TMCO1: variants seen among roughly 807,000 people sequenced by gnomAD.
The protein encoded by TMCO1 is transmembrane and coiled-coil domains 1.
Under a neutral mutation model 29.3 loss-of-function variants are expected in TMCO1, and 29 were observed. The observed-to-expected ratio is 0.99, with a 90% CI of 0.74 to 1.35. The LOEUF (loss-of-function observed/expected upper bound fraction) is 1.35, where lower values mean the gene tolerates loss of function less well. Among genes scored for constraint, TMCO1 ranks in the 40% most tolerant of loss-of-function variants. The probability of loss-of-function intolerance (pLI) is 0.00; values close to 1 mark genes in which losing one functional copy is unlikely to be tolerated. For missense variants in TMCO1, 173 were observed against 225.5 expected, an observed-to-expected ratio of 0.77 and a Z score of 1.49; for synonymous variants, 80 against 77.1, an observed-to-expected ratio of 1.04 and a Z score of -0.20.
intron 2 of TMCO1, among the ~76,000 whole-genome samples, chr1:165,767,351 G>A (rs2101819815): frequency 6.6e-6 from 1 of 152,272 alleles, no homozygotes; most frequent in South Asian, 2.1e-4. Flanking sequence ...ACCTTTAGCT[G>A]AGTCCTGTGG....
At chr1:165,747,746 G>T (rs1378309851) in intron 5 of TMCO1, among the ~76,000 whole-genome samples, 1 of 152,188 alleles carries the variant, frequency 6.6e-6, no homozygotes, top group Non-Finnish European at 1.5e-5. Context: ...GAGAGACAGG[G>T]TTAAACCCCA....
chr1:165,726,520 A>C (rs1217998645), downstream of TMCO1: 4 of 490,156 alleles, frequency 8.2e-6, no homozygotes, highest in Non-Finnish European at 1.6e-5. Flanking sequence ...CCTGACTGCC[A>C]CTCAATAGCT....
At chr1:165,750,653 T>C (rs906264632) in intron 5 of TMCO1, among the ~76,000 whole-genome samples, 18 of 152,146 alleles carry the variant, frequency 1.2e-4, no homozygotes, top group African/African-American at 4.3e-4. Context: ...TTTTAAAAAT[T>C]GCCCACAGAC....
At chr1:165,748,688 C>A (rs575427291) in intron 5 of TMCO1, among the ~76,000 whole-genome samples, 3 of 152,240 alleles carry the variant, frequency 2.0e-5, no homozygotes, top group South Asian at 2.1e-4. Flanking sequence ...ACAATTGGTT[C>A]CAAGTGAGTT....
chr1:165,751,396 A>C (rs533120845), intron 5 of TMCO1, among the ~76,000 whole-genome samples: 3 of 152,178 alleles, frequency 2.0e-5, no homozygotes, highest in South Asian at 4.1e-4. Context: ...TTATTGTGTA[A>C]TTGTATTTTA....
intron 5 of TMCO1, among the ~76,000 whole-genome samples, chr1:165,744,175 T>C (rs1651705897): frequency 6.6e-6 from 1 of 151,830 alleles, no homozygotes; most frequent in Admixed American, 6.6e-5. Flanking sequence ...TCTAGCACAA[T>C]AAAGAAAAAA....
At chr1:165,724,317 C>T (rs1558023444), downstream of TMCO1, 1 of 448,594 alleles carries the variant, frequency 2.2e-6, no homozygotes, top group Non-Finnish European at 4.4e-6. Flanking sequence ...TTTAATATCT[C>T]ATTAATTAAT....
Position 165,727,354 on chromosome 1 carries a change from G to A in TMCO1, c.*669C>T, listed in dbSNP as rs1293914567. On this transcript the variant is annotated 3_prime_UTR_variant, in exon 7 of 7. Coordinates refer to ENST00000367881, the MANE Select transcript of TMCO1 (RefSeq NM_019026.6). Reference sequence around the variant, plus strand: ...GACCCTCATTTTTAAACTCCAACGAGTTATTACGTTCCTTTCCACTCTTGC... The same window carrying A: ...GACCCTCATTTTTAAACTCCAACGAATTATTACGTTCCTTTCCACTCTTGC... 2.2e-6 allele frequency: 1 copy of A among 453,642 alleles called. No individual in the cohort carries two copies. Among genetic ancestry groups the A allele is most frequent in the Non-Finnish European group, 4.4e-6 (1 of 226,746 alleles). The allele number at this position is 453,642 out of a possible 1,614,324, so 28.1% of individuals were successfully genotyped here.
At chr1:165,750,046 A>G (rs989712767) in intron 5 of TMCO1, among the ~76,000 whole-genome samples, 2 of 152,162 alleles carry the variant, frequency 1.3e-5, no homozygotes, top group Admixed American at 6.5e-5. Context: ...TCCAGTGATG[A>G]TAAGTATAAG....
chr1:165,746,308 C>CAAAAAA (rs67433376), intron 5 of TMCO1, among the ~76,000 whole-genome samples: 21 of 123,474 alleles, frequency 1.7e-4, no homozygotes, highest in African/African-American at 5.4e-4. Context: ...GACTCCATCT[C>CAAAAAA]AAAAAAAAAA....
intron 6 of TMCO1, among the ~76,000 whole-genome samples, chr1:165,736,408 G>A (rs1651384609): frequency 6.6e-6 from 1 of 152,158 alleles, no homozygotes; most frequent in Admixed American, 6.5e-5. Context: ...TCAAGAAACT[G>A]GAAAATATAC....
rs547283961 is a variant in TMCO1 at position 165,735,575 on chromosome 1, C to T, written c.469-7454G>A. Among the ~76,000 whole-genome samples the T allele has an allele frequency of 2.7e-5, 4 of 147,844 alleles. No homozygotes were observed. The East Asian group carries it at 6.0e-4, about 22-fold the overall frequency. On this transcript the variant is annotated intron_variant, in intron 6 of 6. Coordinates refer to ENST00000367881, the MANE Select transcript of TMCO1 (RefSeq NM_019026.6). ...TGTCACCCAGGCTGGAATGCGGTGG[C>T]GCAGTCTCAGCTCACTGCAACCTCT...
At position 165,767,997 on chromosome 1, in the gene TMCO1, A is replaced by T. The variant is rs111858965; in HGVS notation, c.148+195T>A. ...CTCTTCTTTAGAACCACCACAGCAC[A>T]TAACATGTATCTGCTACGCCCCTCA... On this transcript the variant is annotated intron_variant, in intron 2 of 6. Transcript: ENST00000367881. Among the ~76,000 whole-genome samples, 6 of 152,322 alleles carry T rather than the reference A, an allele frequency of 3.9e-5. 1 individual carries two copies. Among genetic ancestry groups the T allele is most frequent in the Admixed American group, 1.3e-4 (2 of 15,308 alleles).
Position 165,743,295 on chromosome 1 carries a change from C to T in TMCO1, c.340G>A (p.Val114Met), listed in dbSNP as rs1349622376. 6 of 1,611,788 alleles carry T rather than the reference C, an allele frequency of 3.7e-6. No homozygotes were observed. The highest frequency in any genetic ancestry group is 4.2e-6 in the Non-Finnish European group (5 of 1,179,324). The change falls in exon 6 of 7, where the codon GTG (valine) becomes ATG (methionine). Residue 114 changes from valine (V) to methionine (M), a missense_variant. Physicochemically the swap from Val to Met is conservative, Grantham distance 21. Coordinates refer to ENST00000367881, the MANE Select transcript of TMCO1 (RefSeq NM_019026.6). Reference protein sequence around the residue: ...MFNSIFDGRVVAKLPFTPLSY... With the variant: ...MFNSIFDGRVMAKLPFTPLSY... ...AGAGGGGTAAAAGGAAGCTTTGCCACCACTCTACCATCAAATCTAAAAGAA... is the reference window on the plus strand; with the variant it reads ...AGAGGGGTAAAAGGAAGCTTTGCCATCACTCTACCATCAAATCTAAAAGAA...
rs1651651344 is a variant in TMCO1 at position 165,743,017 on chromosome 1, G to A, written c.468+150C>T. 4 of 908,192 alleles carry A rather than the reference G, an allele frequency of 4.4e-6. No homozygotes were observed. In the Admixed American group the frequency reaches 9.0e-5, roughly 21 times the overall value. 56.3% of individuals were successfully genotyped at this position (908,192 alleles called of 1,614,324 possible). A position where few individuals can be genotyped will look rare whatever the true frequency, so the allele number is the denominator to read the frequency against. On this transcript the variant is annotated intron_variant, in intron 6 of 6. Transcript: ENST00000367881. ...TCTAGACCTACAGCCATTTAAAATG[G>A]CTTTTGGAAGATACACTGAAATTCT...
chr1:165,745,261 G>A lies in TMCO1; in HGVS notation c.324-1950C>T, dbSNP rs1407320405. On this transcript the variant is annotated intron_variant, in intron 5 of 6. Transcript: ENST00000367881. ...TGGTCTCAAACTCCTGGCTTCAAGT[G>A]ATCCTCCTGCCTCAGCCTCCCAAAT... Among the ~76,000 whole-genome samples, 10 of 147,114 alleles carry A rather than the reference G, an allele frequency of 6.8e-5. 1 individual carries two copies. The highest frequency in any genetic ancestry group is 4.4e-4 in the South Asian group (2 of 4,592).
chr1:165,727,606 A>AC lies in TMCO1; in HGVS notation c.*416_*417insG, dbSNP rs1558026805. On this transcript the variant is annotated 3_prime_UTR_variant, in exon 7 of 7. Transcript: ENST00000367881. ...ATGTCATGTATTTGGCTTGAAAAAA[A>AC]AACAACAACAAAACAAACAGTTACA... The AC allele has an allele frequency of 6.6e-6, 3 of 454,038 alleles. No homozygotes were observed. Among genetic ancestry groups the AC allele is most frequent in the South Asian group, 3.1e-5 (2 of 64,454 alleles). 28.1% of individuals were successfully genotyped at this position (454,038 alleles called of 1,614,324 possible).
At chr1:165,748,986 T>C (rs1417883145) in intron 5 of TMCO1, among the ~76,000 whole-genome samples, 1 of 152,192 alleles carries the variant, frequency 6.6e-6, no homozygotes, top group Admixed American at 6.5e-5. Flanking sequence ...GCATTTAAGA[T>C]TTCTCCATGT....
In TMCO1 at chr1:165,768,815, G is replaced by T; in HGVS notation, c.-64C>A. On this transcript the variant is annotated 5_prime_UTR_variant, in exon 1 of 7. Coordinates refer to ENST00000367881, the MANE Select transcript of TMCO1 (RefSeq NM_019026.6). Reference sequence around the variant, plus strand: ...AAAGCGCTCTACAGCCAGGAAAAGTGAAGCGAAAACGGCTTCCGTAGACTC... The same window carrying T: ...AAAGCGCTCTACAGCCAGGAAAAGTTAAGCGAAAACGGCTTCCGTAGACTC... The T allele has an allele frequency of 6.2e-7, 1 of 1,610,736 alleles. No homozygotes were observed. The highest frequency in any genetic ancestry group is 8.5e-7 in the Non-Finnish European group (1 of 1,178,374).
Sources: gnomAD v4.1 joint callset for allele counts (sites outside exome capture counted in the v4.1 genomes callset) on GRCh38, gnomAD v4.1.1 for gene constraint, MANE v1.5 for transcripts, NCBI Gene and HGNC (gene_info 2026-07-23, HGNC 2026-07-21) for gene names.